The following PROS1 variants were observed in gnomAD, a reference collection of about 807,000 sequenced individuals.
The protein encoded by PROS1 is vitamin K-dependent protein S.
A neutral mutation model predicts 75.9 loss-of-function variants in PROS1; 29 were observed. That is an observed-to-expected ratio of 0.38 (90% confidence interval 0.28 to 0.52). PROS1 has a LOEUF of 0.52. PROS1 is among the 20% of genes least tolerant of loss of function. PROS1 has a pLI of 0.83. For missense variants in PROS1, 680 were observed against 810.3 expected (o/e 0.84, Z 1.95); for synonymous variants, 245 against 280.6 (o/e 0.87, Z 1.27).
chr3:93,881,021 T>C (rs1281979660), intron 12 of PROS1, among the ~76,000 whole-genome samples: 1 of 152,106 alleles, frequency 6.6e-6, no homozygotes, highest in East Asian at 1.9e-4. Context: ...GTAAAATTTG[T>C]CCTTAAAAAT....
chr3:93,927,527 G>T, intron 1 of PROS1, 120 bp from the exon 2 acceptor site: 1 of 1,191,504 alleles, frequency 8.4e-7, no homozygotes, highest in Non-Finnish European at 1.2e-6. Context: ...TTTAAAATCA[G>T]TATGATCGAA....
chr3:93,910,671 A>G lies in PROS1; in HGVS notation c.294T>C (p.Thr98=), dbSNP rs1708747296. Residue 98 remains threonine, a synonymous_variant, in exon 4 of 15, where the codon ACT becomes ACC. Transcript: ENST00000394236. ...CLRSFQTGLF[T]AARQSTNAYP... is the part of the protein sequence containing the mutation. ...AAGCATTAGTTGACTGACGTGCAGC[A>G]GTGAATAACCCAGTTTGAAAAGAGC... is the stretch of plus-strand genomic sequence containing the variant. 1 of 1,613,720 alleles carries G rather than the reference A, an allele frequency of 6.2e-7. No individual in the cohort carries two copies. The highest frequency in any genetic ancestry group is 8.5e-7 in the Non-Finnish European group (1 of 1,179,754).
In PROS1 at chr3:93,906,071, G is replaced by A. The variant is rs747091771; in HGVS notation, c.419C>T (p.Ser140Phe). 3.7e-6 allele frequency: 6 copies of A among 1,613,972 alleles called. No homozygotes were observed. The highest frequency in any genetic ancestry group is 4.2e-6 in the Non-Finnish European group (5 of 1,180,024). The change falls in exon 5 of 15, where the codon TCT becomes TTT. Residue 140 changes from serine (S) to phenylalanine (F), a missense_variant. Coordinates refer to ENST00000394236, the MANE Select transcript of PROS1 (RefSeq NM_000313.4). ...GYMSCKDGKA[S>F]FTCTCKPGWQ... is the part of the protein sequence containing the mutation. ...ACCTGGTTTACAAGTGCAAGTAAAA[G>A]AAGCTTTTCCATCTTTGCAGCTCAT... is the stretch of plus-strand genomic sequence containing the variant.
Position 93,892,918 on chromosome 3 carries a change from A to C in PROS1, c.1155+15T>G, listed in dbSNP as rs1483624139. The C allele has an allele frequency of 1.2e-6, 2 of 1,606,742 alleles. No individual in the cohort carries two copies. The highest frequency in any genetic ancestry group is 2.7e-5 in the African/African-American group (2 of 74,734). The stretch of plus-strand genomic sequence containing the variant: ...CATCAAAGTGGGAAGATATTGATGA[A>C]ATCTGCAAACGTACCATATTCCATA... On this transcript the variant is annotated intron_variant, in intron 10 of 14. Coordinates refer to ENST00000394236, the MANE Select transcript of PROS1 (RefSeq NM_000313.4).
chr3:93,875,265 C>A (rs1438350367), intron 14 of PROS1, among the ~76,000 whole-genome samples: 1 of 152,010 alleles, frequency 6.6e-6, no homozygotes, highest in African/African-American at 2.4e-5. Flanking sequence ...CAAAATCATT[C>A]ATTTCTCTTG....
chr3:93,909,071 CAG>C (rs1438151783), intron 4 of PROS1, among the ~76,000 whole-genome samples: 4 of 151,998 alleles, frequency 2.6e-5, no homozygotes, highest in Non-Finnish European at 5.9e-5. Flanking sequence ...AAAAGAAAGC[CAG>C]AGTGACAACA....
intron 1 of PROS1, among the ~76,000 whole-genome samples, chr3:93,951,302 C>A (rs1709491230): frequency 6.6e-6 from 1 of 152,112 alleles, no homozygotes; most frequent in East Asian, 1.9e-4. Context: ...GTCAGATTCA[C>A]CAAAGTTGAA....
intron 11 of PROS1, 63 bp from the exon 12 acceptor site, chr3:93,884,959 G>T: frequency 7.4e-7 from 1 of 1,358,380 alleles, no homozygotes; most frequent in Non-Finnish European, 1.0e-6. Context: ...TCGATTATGA[G>T]TATAGGTTTT....
intron 6 of PROS1, among the ~76,000 whole-genome samples, chr3:93,901,813 A>T (rs1274102515): frequency 3.3e-5 from 5 of 152,152 alleles, no homozygotes; most frequent in Non-Finnish European, 5.9e-5. Context: ...TTGTACTATC[A>T]TTTTGTAAAC....
intron 8 of PROS1, among the ~76,000 whole-genome samples, chr3:93,897,645 T>C (rs1460305866): frequency 6.6e-6 from 1 of 152,090 alleles, no homozygotes; most frequent in East Asian, 1.9e-4. Flanking sequence ...TCTGGACATA[T>C]ACAGCTTTGT....
intron 3 of PROS1, among the ~76,000 whole-genome samples, chr3:93,915,380 T>G (rs1576192157): frequency 6.6e-6 from 1 of 152,092 alleles, no homozygotes; most frequent in African/African-American, 2.4e-5. Flanking sequence ...GTACAAGAAC[T>G]GCTTGAACCT....
chr3:93,966,617 A>T (rs564340686), intron 1 of PROS1, among the ~76,000 whole-genome samples: 2 of 152,076 alleles, frequency 1.3e-5, no homozygotes, highest in African/African-American at 4.8e-5. Flanking sequence ...AGATCACCAC[A>T]CCTGTAATCC....
At chr3:93,972,087 T>G (rs1393228545) in intron 1 of PROS1, among the ~76,000 whole-genome samples, 4 of 152,198 alleles carry the variant, frequency 2.6e-5, no homozygotes, top group African/African-American at 9.6e-5. Flanking sequence ...TCTGCCTAGA[T>G]TCAGTCAAAA....
chr3:93,953,056 A>G (rs878868753), intron 1 of PROS1, among the ~76,000 whole-genome samples: 1 of 152,218 alleles, frequency 6.6e-6, no homozygotes, highest in Non-Finnish European at 1.5e-5. Flanking sequence ...TAATAGATCA[A>G]TAACAGGCTC....
At chr3:93,916,042 G>A (rs1270474549) in intron 3 of PROS1, among the ~76,000 whole-genome samples, 1 of 152,140 alleles carries the variant, frequency 6.6e-6, no homozygotes, top group Non-Finnish European at 1.5e-5. Flanking sequence ...CAGTTCTGGA[G>A]GCTGGGAAGT....
intron 1 of PROS1, among the ~76,000 whole-genome samples, chr3:93,969,151 A>T: frequency 7.3e-6 from 1 of 137,420 alleles, no homozygotes. Flanking sequence ...TGCATATAAG[A>T]TGTGTTGGTA....
At chr3:93,965,754 G>T (rs1709779102) in intron 1 of PROS1, among the ~76,000 whole-genome samples, 1 of 152,104 alleles carries the variant, frequency 6.6e-6, no homozygotes, top group African/African-American at 2.4e-5. Context: ...GAGTGCAGTG[G>T]CATGATCTCG....
chr3:93,927,467 T>A, intron 1 of PROS1, 60 bp from the exon 2 acceptor site: 4 of 1,504,684 alleles, frequency 2.7e-6, no homozygotes, highest in Non-Finnish European at 3.6e-6. Context: ...TATATTGTTT[T>A]ATTAAACAAT....
intron 12 of PROS1, 55 bp downstream of exon 12, chr3:93,884,673 A>T: frequency 6.6e-7 from 1 of 1,508,450 alleles, no homozygotes. Context: ...ACTGTTTGTT[A>T]ATGAATAAAT....
Sources: gnomAD v4.1 joint callset for allele counts (sites outside exome capture counted in the v4.1 genomes callset) on GRCh38, gnomAD v4.1.1 for gene constraint, MANE v1.5 for transcripts, NCBI Gene and HGNC (gene_info 2026-07-23, HGNC 2026-07-21) for gene names.